The following MLC1 variants were observed in gnomAD, a reference collection of about 807,000 sequenced individuals.
MLC1 encodes the protein membrane protein MLC1.
Under a neutral mutation model 44.7 loss-of-function variants are expected in MLC1, and 32 were observed. The ratio of observed to expected loss-of-function variants is 0.72; its 90% CI spans 0.54 to 0.96. The LOEUF is 0.96. Ranked by LOEUF, MLC1 falls within the 40% of genes least tolerant of loss-of-function variation. The pLI, the probability that MLC1 is intolerant of heterozygous loss-of-function variation, is 0.00. For missense variants in MLC1, 459 were observed against 492.2 expected (o/e 0.93, Z 0.64); for synonymous variants, 190 against 213.0 (o/e 0.89, Z 0.94).
intron 4 of MLC1, 56 bp downstream of exon 4, chr22:50,080,284 ACTGT>A (rs1435783418): frequency 4.5e-6 from 7 of 1,542,024 alleles, no homozygotes; most frequent in Non-Finnish European, 6.2e-6. Flanking sequence ...ACATGGGCAC[ACTGT>A]CTGTCAGCCC....
chr22:50,067,162 G>A (rs2061719350), intron 10 of MLC1, among the ~76,000 whole-genome samples: 1 of 152,140 alleles, frequency 6.6e-6, no homozygotes, highest in Non-Finnish European at 1.5e-5. Flanking sequence ...TGGAGTAGGA[G>A]TGGGTGAAGC....
chr22:50,075,169 CCG>C (rs2061949210), intron 7 of MLC1, among the ~76,000 whole-genome samples: 3 of 149,586 alleles, frequency 2.0e-5, no homozygotes, highest in African/African-American at 7.4e-5. Context: ...CAGGGAGGGG[CCG>C]CAACCAGCAC....
intron 11 of MLC1, among the ~76,000 whole-genome samples, chr22:50,063,432 C>G (rs578195783): frequency 6.8e-6 from 1 of 147,144 alleles, no homozygotes; most frequent in Non-Finnish European, 1.5e-5. Flanking sequence ...GTGATCGCGC[C>G]ACTGCACTCC....
At chr22:50,082,417 G>A (rs1027020383) in intron 3 of MLC1, among the ~76,000 whole-genome samples, 4 of 152,202 alleles carry the variant, frequency 2.6e-5, no homozygotes, top group Non-Finnish European at 4.4e-5. Flanking sequence ...TGCCTCCACC[G>A]GCCTTGGCAC....
At chr22:50,069,373 G>A (rs1400409545) in intron 9 of MLC1, among the ~76,000 whole-genome samples, 1 of 152,124 alleles carries the variant, frequency 6.6e-6, no homozygotes, top group African/African-American at 2.4e-5. Context: ...ATCTAGGCAA[G>A]GTGGCTCACA....
intron 6 of MLC1, 57 bp from the exon 7 acceptor site, chr22:50,076,969 C>T (rs2146881350): frequency 3.1e-6 from 5 of 1,594,890 alleles, no homozygotes; most frequent in East Asian, 2.2e-5. Context: ...TCAGCACTGC[C>T]GCTGGCATCC....
chr22:50,081,151 C>T (rs9617146), intron 3 of MLC1, among the ~76,000 whole-genome samples: 33,584 of 151,692 alleles, frequency 0.22, 4,000 homozygotes, highest in South Asian at 0.35. Flanking sequence ...ACCAGCCTGG[C>T]CAACATAGTG....
In MLC1 at chr22:50,068,490, C is replaced by T. The variant is rs767918230; in HGVS notation, c.837G>A (p.Leu279=). 3.1e-6 allele frequency: 5 copies of T among 1,613,804 alleles called. No homozygotes were observed. The African/African-American group carries it at 4.0e-5, about 13-fold the overall frequency. The change falls in exon 10 of 12, where the codon CTG becomes CTA. Residue 279 remains leucine, a synonymous_variant. Transcript: ENST00000311597. ...SPLLFTASGY[L]SFSIMRIVEM... Reference sequence around the variant, plus strand: ...CCACGATTCTCATGATGCTGAATGACAGATATCCAGAGGCTGTGAACAGCA... The same window carrying T: ...CCACGATTCTCATGATGCTGAATGATAGATATCCAGAGGCTGTGAACAGCA...
At chr22:50,061,878 G>C (rs1357501560) in intron 11 of MLC1, among the ~76,000 whole-genome samples, 1 of 152,174 alleles carries the variant, frequency 6.6e-6, no homozygotes, top group African/African-American at 2.4e-5. Flanking sequence ...CGCACACACG[G>C]TTTCTACCGA....
At position 50,083,792 on chromosome 22, in the gene MLC1, G is replaced by A. The variant is rs2062209992; in HGVS notation, c.178-619C>T. Among the ~76,000 whole-genome samples, 1 of 152,152 alleles carries A rather than the reference G, an allele frequency of 6.6e-6. No homozygotes were observed. The highest frequency in any genetic ancestry group is 6.5e-5 in the Admixed American group (1 of 15,288). On this transcript the variant is annotated intron_variant, in intron 2 of 11. Transcript: ENST00000311597. The surrounding 1 kb of genome is among the most constrained non-coding windows in gnomAD (Gnocchi z 4.6). ...AGGGGAGTCAGTATCAAAGGTCACTGGGACCCAGGGTCCTGGCAGAGGAAG... is the reference window on the plus strand; with the variant it reads ...AGGGGAGTCAGTATCAAAGGTCACTAGGACCCAGGGTCCTGGCAGAGGAAG...
intron 4 of MLC1, 135 bp downstream of exon 4, chr22:50,080,209 G>T: frequency 8.2e-7 from 1 of 1,225,548 alleles, no homozygotes; most frequent in Non-Finnish European, 1.2e-6. Flanking sequence ...TTTACTGTCT[G>T]GGGGGCAACC....
chr22:50,082,728 A>G (rs2235353), intron 3 of MLC1, among the ~76,000 whole-genome samples: 32,664 of 152,108 alleles, frequency 0.21, 3,769 homozygotes, highest in South Asian at 0.31. Flanking sequence ...GCAGTGGCAC[A>G]ATCTGGGCTC....
At chr22:50,065,429 T>C (rs912928796) in intron 10 of MLC1, among the ~76,000 whole-genome samples, 1 of 150,878 alleles carries the variant, frequency 6.6e-6, no homozygotes, top group Admixed American at 6.6e-5. Context: ...TTTAAAAAAA[T>C]AGCTTTCACA....
intron 8 of MLC1, among the ~76,000 whole-genome samples, chr22:50,071,183 A>G (rs956567420): frequency 1.3e-5 from 2 of 150,042 alleles, no homozygotes; most frequent in Non-Finnish European, 3.0e-5. Context: ...ATCTTGACTC[A>G]CTGCAACCTC....
chr22:50,081,356 GAAAA>G (rs1001256356), intron 3 of MLC1, among the ~76,000 whole-genome samples: 1 of 151,794 alleles, frequency 6.6e-6, no homozygotes, highest in Admixed American at 6.6e-5. Context: ...AAGAAAGAAA[GAAAA>G]AAAGAAAGAA....
chr22:50,070,369 C>T lies in MLC1; in HGVS notation c.771+158G>A, dbSNP rs35480507. On this transcript the variant is annotated intron_variant, in intron 9 of 11. Coordinates refer to ENST00000311597, the MANE Select transcript of MLC1 (RefSeq NM_015166.4). ...CCCTGCTGAGCGGGCCAGCCTCCACCTCCCACAACCCCACCTTCCTCATTG... is the reference window on the plus strand; with the variant it reads ...CCCTGCTGAGCGGGCCAGCCTCCACTTCCCACAACCCCACCTTCCTCATTG... Among the ~76,000 whole-genome samples, 14,029 of 152,260 alleles carry T rather than the reference C, an allele frequency of 0.092. 797 individuals carry two copies. Among genetic ancestry groups the T allele is most frequent in the South Asian group, 0.2 (969 of 4,822 alleles).
intron 3 of MLC1, among the ~76,000 whole-genome samples, chr22:50,081,780 A>AGGCCGGGGGCAG (rs1398975628): frequency 5.3e-5 from 8 of 152,150 alleles, no homozygotes; most frequent in Non-Finnish European, 1.0e-4. Context: ...TAGAGAAGAA[A>AGGCCGGGGGCAG]GGCCGGGGGC....
In MLC1 at chr22:50,079,951, T is replaced by C; in HGVS notation, c.390A>G (p.Gly130=). ...CTGATGGGTTCAGGACTAGTTTGCA[T>C]CCAAACCAAATTAAACACGTAGTGG... ...AVTTTCLIWF[G]CKLVLNPSAI... The change falls in exon 5 of 12, where the codon GGA becomes GGG. Residue 130 remains glycine (G), a synonymous_variant. Transcript: ENST00000311597. The C allele has an allele frequency of 6.2e-7, 1 of 1,614,062 alleles. No individual in the cohort carries two copies. Among genetic ancestry groups the C allele is most frequent in the South Asian group, 1.1e-5 (1 of 91,078 alleles).
chr22:50,068,347 C>T, intron 10 of MLC1, 86 bp downstream of exon 10: 1 of 1,563,642 alleles, frequency 6.4e-7, no homozygotes, highest in Non-Finnish European at 8.7e-7. Context: ...CCAGCGCCCC[C>T]AGAGTCCCAG....
Sources: gnomAD v4.1 joint callset for allele counts (sites outside exome capture counted in the v4.1 genomes callset) on GRCh38, gnomAD v4.1.1 for gene constraint, Gnocchi (gnomAD v3.1) non-coding constraint, MANE v1.5 for transcripts, NCBI Gene and HGNC (gene_info 2026-07-23, HGNC 2026-07-21) for gene names.